DNAAF11: variants seen among roughly 807,000 people sequenced by gnomAD.
The protein encoded by DNAAF11 is leucine rich repeat containing 6.
Under a neutral mutation model 60.8 loss-of-function variants are expected in DNAAF11, and 45 were observed. That is an observed-to-expected ratio of 0.74 (90% confidence interval 0.58 to 0.95). DNAAF11 has a LOEUF of 0.95. DNAAF11 is among the 40% of genes least tolerant of loss of function. The pLI is 0.00. For synonymous variants in DNAAF11, 191 were observed against 183.5 expected (o/e 1.04, Z -0.33); for missense variants, 546 against 546.2 (o/e 1.00, Z 0.00).
rs1011228979 is a variant in DNAAF11, at chr8:132,583,866, C to A, written c.1141-87G>T. 6.7e-6 allele frequency: 6 copies of A among 895,764 alleles called. No individual in the cohort carries two copies. In the African/African-American group the frequency reaches 8.4e-5, roughly 13 times the overall value. 55.5% of individuals were successfully genotyped at this position (895,764 alleles called of 1,614,324 possible). On this transcript the variant is annotated intron_variant, in intron 10 of 11. Transcript: ENST00000620350. Reference sequence around the variant, plus strand: ...ATACATATATGTATTTTAAAAGATACTAAAACATTTTAATTTTTTCTCTAC... The same window carrying A: ...ATACATATATGTATTTTAAAAGATAATAAAACATTTTAATTTTTTCTCTAC...
chr8:132,583,928 T>C (rs967441180), intron 10 of DNAAF11, 149 bp from the exon 11 acceptor site: 41 of 623,382 alleles, frequency 6.6e-5, no homozygotes, highest in Non-Finnish European at 1.2e-4. Context: ...AGCCCCTATA[T>C]GCAGTGTAGA....
chr8:132,579,930 A>C (rs985153079), intron 11 of DNAAF11, among the ~76,000 whole-genome samples: 2 of 152,106 alleles, frequency 1.3e-5, no homozygotes, highest in Non-Finnish European at 2.9e-5. Context: ...TGGGAGGCGG[A>C]AGTTGCAGTG....
intron 1 of DNAAF11, among the ~76,000 whole-genome samples, chr8:132,664,969 T>C (rs1374750214): frequency 6.6e-6 from 1 of 151,950 alleles, no homozygotes; most frequent in Non-Finnish European, 1.5e-5. Flanking sequence ...AATAACTAAA[T>C]TACACACACA....
chr8:132,631,542 AACT>A (rs1820794077), intron 5 of DNAAF11, among the ~76,000 whole-genome samples: 1 of 152,148 alleles, frequency 6.6e-6, no homozygotes, highest in African/African-American at 2.4e-5. Flanking sequence ...CACATACTCA[AACT>A]ACTATTGTTT....
chr8:132,638,061 T>G lies in DNAAF11; in HGVS notation c.303A>C (p.Gly101=), dbSNP rs1392090965. The G allele has an allele frequency of 1.9e-6, 3 of 1,614,172 alleles. No homozygotes were observed. Residue 101 remains glycine, a synonymous_variant, in exon 4 of 12, where the codon GGA becomes GGC. Coordinates refer to ENST00000620350, the MANE Select transcript of DNAAF11 (RefSeq NM_012472.6). ...AKLDLTVNFI[G]ELSSIKNLQH... The stretch of plus-strand genomic sequence containing the variant: ...GCAAGTTTTTAATGCTGCTCAGCTC[T>G]CCAATGAAATTCACAGTCAGGTCAA...
chr8:132,659,147 C>A (rs1163958474), intron 2 of DNAAF11, among the ~76,000 whole-genome samples: 1 of 152,194 alleles, frequency 6.6e-6, no homozygotes, highest in Admixed American at 6.5e-5. Flanking sequence ...CTTGACAAGA[C>A]CCCACATGGC....
chr8:132,671,480 C>T (rs1342886877), intron 1 of DNAAF11, among the ~76,000 whole-genome samples: 1 of 152,124 alleles, frequency 6.6e-6, no homozygotes, highest in Non-Finnish European at 1.5e-5. Flanking sequence ...AGATTTAACA[C>T]AATTCAGGTC....
intron 8 of DNAAF11, among the ~76,000 whole-genome samples, chr8:132,612,095 G>T (rs775537473): frequency 2.0e-5 from 3 of 152,198 alleles, no homozygotes; most frequent in Non-Finnish European, 4.4e-5. Flanking sequence ...TAGGTTTGGA[G>T]TCACACAGGC....
intron 3 of DNAAF11, among the ~76,000 whole-genome samples, chr8:132,652,879 G>A (rs188979125): frequency 1.3e-5 from 2 of 151,982 alleles, no homozygotes; most frequent in African/African-American, 2.4e-5. Context: ...ACCATGGCAC[G>A]CGTATACCTA....
At chr8:132,583,857 TA>T in intron 10 of DNAAF11, 78 bp from the exon 11 acceptor site, 1 of 923,082 alleles carries the variant, frequency 1.1e-6, no homozygotes, top group South Asian at 1.4e-5. Context: ...ATATGTATTT[TA>T]AAAGATACTA....
chr8:132,697,340 GT>G, the DNAAF11 span, among the ~76,000 whole-genome samples: 1 of 152,142 alleles, frequency 6.6e-6, no homozygotes, highest in African/African-American at 2.4e-5. Context: ...CAATAAAGCA[GT>G]TTTTAAAAAA....
chr8:132,616,945 T>C (rs1003800872), intron 7 of DNAAF11, among the ~76,000 whole-genome samples: 1 of 152,120 alleles, frequency 6.6e-6, no homozygotes, highest in African/African-American at 2.4e-5. Flanking sequence ...CTAATTCTGA[T>C]TGGCTACTGT....
intron 5 of DNAAF11, among the ~76,000 whole-genome samples, chr8:132,628,451 G>C (rs561640875): frequency 1.3e-5 from 2 of 152,112 alleles, no homozygotes; most frequent in Admixed American, 1.3e-4. Context: ...GCCATGTGAA[G>C]TGTGAGCTGT....
the DNAAF11 span, among the ~76,000 whole-genome samples, chr8:132,701,204 T>C: frequency 6.6e-6 from 1 of 152,270 alleles, no homozygotes; most frequent in Admixed American, 6.5e-5. Flanking sequence ...GGGATAAACA[T>C]TCAAAACATA....
rs111804240 is a variant in DNAAF11, at chr8:132,640,832, A to T, written c.257-2725T>A. ...GGAAAGAATAGATAAAAGTAGGAAA[A>T]GAAAAGAGGAGTCTGGAACGTCTTG... On this transcript the variant is annotated intron_variant, in intron 3 of 11. Transcript: ENST00000620350. Among the ~76,000 whole-genome samples, 555 of 152,288 alleles carry T rather than the reference A, an allele frequency of 3.6e-3. 3 individuals carry two copies. Among genetic ancestry groups the T allele is most frequent in the African/African-American group, 0.013 (522 of 41,580 alleles).
intron 1 of DNAAF11, among the ~76,000 whole-genome samples, chr8:132,663,313 A>G (rs1824311130): frequency 6.6e-6 from 1 of 152,250 alleles, no homozygotes; most frequent in South Asian, 2.1e-4. Flanking sequence ...AGAGAAGAGC[A>G]TTAAAACTAC....
At chr8:132,656,538 C>G (rs1823590666) in intron 3 of DNAAF11, among the ~76,000 whole-genome samples, 1 of 152,188 alleles carries the variant, frequency 6.6e-6, no homozygotes, top group African/African-American at 2.4e-5. Context: ...ATGGCGCAAT[C>G]TCAGCTCACT....
intron 5 of DNAAF11, among the ~76,000 whole-genome samples, chr8:132,630,663 A>C (rs541023301): frequency 1.4e-4 from 21 of 152,286 alleles, no homozygotes; most frequent in African/African-American, 5.1e-4. Flanking sequence ...TGTATCCAGA[A>C]TCTAAAAGAA....
In DNAAF11 at chr8:132,625,440, C is replaced by T. The variant is rs1404624888; in HGVS notation, c.668G>A (p.Ser223Asn). ...GTCTGGTGCCTGTAGGTGGTCTTTG[C>T]TCTCTAAAGAGGAACTAGGAAAAAC... ...DINATLSSLE[S>N]KDHLQAPDTE... The change falls in exon 6 of 12, where the codon AGC becomes AAC. Residue 223 changes from serine (S) to asparagine (N), a missense_variant. Physicochemically the swap from Ser to Asn is conservative, Grantham distance 46. Coordinates refer to ENST00000620350, the MANE Select transcript of DNAAF11 (RefSeq NM_012472.6). The T allele has an allele frequency of 2.5e-6, 4 of 1,607,392 alleles. No homozygotes were observed. Among genetic ancestry groups the T allele is most frequent in the East Asian group, 2.2e-5 (1 of 44,794 alleles).
Sources: gnomAD v4.1 joint callset for allele counts (sites outside exome capture counted in the v4.1 genomes callset) on GRCh38, gnomAD v4.1.1 for gene constraint, MANE v1.5 for transcripts, NCBI Gene and HGNC (gene_info 2026-07-23, HGNC 2026-07-21) for gene names.